Variants in SLC12A8 observed in about 807,000 individuals in gnomAD.
SLC12A8 encodes the protein solute carrier family 12 member 8, also known as cation-chloride cotransporter 9.
SLC12A8 carries 69 observed loss-of-function variants against 75.6 expected under a neutral mutation model. The ratio of observed to expected loss-of-function variants is 0.91; its 90% CI spans 0.75 to 1.11. The LOEUF (loss-of-function observed/expected upper bound fraction) is 1.11, where lower values mean the gene tolerates loss of function less well. Ranked by LOEUF, SLC12A8 falls within the 50% of genes most tolerant of loss-of-function variation. The probability of loss-of-function intolerance (pLI) is 0.00; values close to 1 mark genes in which losing one functional copy is unlikely to be tolerated. For missense variants in SLC12A8, 877 were observed against 896.7 expected (o/e 0.98, Z 0.28); for synonymous variants, 365 against 372.8 (o/e 0.98, Z 0.24).
At chr3:125,127,296 G>C (rs1176275588) in intron 6 of SLC12A8, among the ~76,000 whole-genome samples, 1 of 152,182 alleles carries the variant, frequency 6.6e-6, no homozygotes, top group Non-Finnish European at 1.5e-5. Flanking sequence ...CAATGTTTTA[G>C]AGATGCTGCT....
intron 2 of SLC12A8, among the ~76,000 whole-genome samples, chr3:125,197,491 G>T (rs1434171333): frequency 1.3e-5 from 2 of 152,020 alleles, no homozygotes; most frequent in Non-Finnish European, 2.9e-5. Flanking sequence ...AGAGTTTTGC[G>T]CTGTTGCCCA....
chr3:125,166,927 A>G (rs1030675445), intron 5 of SLC12A8, among the ~76,000 whole-genome samples: 3 of 152,094 alleles, frequency 2.0e-5, no homozygotes, highest in African/African-American at 7.2e-5. Flanking sequence ...ATAAAAACAC[A>G]TGGGGAGGAT....
intron 2 of SLC12A8, among the ~76,000 whole-genome samples, chr3:125,192,191 T>C (rs574989379): frequency 6.6e-6 from 1 of 152,138 alleles, no homozygotes; most frequent in South Asian, 2.1e-4. Context: ...AAAAGACTAA[T>C]ACTGTAGAGA....
At chr3:125,194,100 G>C (rs1178849119) in intron 2 of SLC12A8, among the ~76,000 whole-genome samples, 1 of 152,228 alleles carries the variant, frequency 6.6e-6, no homozygotes, top group African/African-American at 2.4e-5. Context: ...AGAAAAGCAA[G>C]GGGCAAATCA....
At chr3:125,098,215 T>C (rs1222045800) in intron 10 of SLC12A8, among the ~76,000 whole-genome samples, 1 of 152,236 alleles carries the variant, frequency 6.6e-6, no homozygotes, top group Non-Finnish European at 1.5e-5. Flanking sequence ...TAACGTATAT[T>C]GCCTTAGTCC....
At chr3:125,118,900 C>A in intron 7 of SLC12A8, 44 bp from the exon 8 acceptor site, 1 of 1,313,890 alleles carries the variant, frequency 7.6e-7, no homozygotes, top group South Asian at 1.2e-5. Flanking sequence ...CGACTCACCT[C>A]ACCCAGCCCC....
intron 8 of SLC12A8, among the ~76,000 whole-genome samples, chr3:125,112,320 T>C (rs945598237): frequency 2.6e-5 from 4 of 152,226 alleles, no homozygotes; most frequent in African/African-American, 7.2e-5. Context: ...GGGTTTGTCC[T>C]GCCCACCCCA....
At chr3:125,169,062 C>T (rs1054320120) in intron 5 of SLC12A8, among the ~76,000 whole-genome samples, 7 of 152,166 alleles carry the variant, frequency 4.6e-5, no homozygotes, top group Non-Finnish European at 7.3e-5. Context: ...GGCATGAGTT[C>T]ATTTCTAAAT....
At chr3:125,090,938 G>T (rs1022512041) in intron 12 of SLC12A8, among the ~76,000 whole-genome samples, 2 of 151,796 alleles carry the variant, frequency 1.3e-5, no homozygotes, top group Admixed American at 1.3e-4. Flanking sequence ...GATATGGCTG[G>T]GATTACATAT....
rs1178152779 is a variant in SLC12A8, at chr3:125,190,356, C to T, written c.198+19G>A. 37 of 1,613,144 alleles carry T rather than the reference C, an allele frequency of 2.3e-5. No individual in the cohort carries two copies. The highest frequency in any genetic ancestry group is 3.1e-5 in the Non-Finnish European group (36 of 1,179,506). On this transcript the variant is annotated intron_variant, in intron 3 of 13. Transcript: ENST00000469902. ...TCTTGGGCCCGTGAGAGGCTCCAGG[C>T]CACCAACTCAGCACTCACCACCAGC...
intron 5 of SLC12A8, among the ~76,000 whole-genome samples, chr3:125,138,323 C>G (rs1416304091): frequency 6.6e-6 from 1 of 152,152 alleles, no homozygotes; most frequent in African/African-American, 2.4e-5. Flanking sequence ...ATTGCTTGAA[C>G]CCAGGAGGCA....
At chr3:125,163,443 T>TA (rs58384902) in intron 5 of SLC12A8, among the ~76,000 whole-genome samples, 20,095 of 148,950 alleles carry the variant, frequency 0.13, 2,918 homozygotes, top group African/African-American at 0.37. Flanking sequence ...CCGTCTCTAC[T>TA]AAAAAAAAAT....
rs530109272 is a variant in SLC12A8 at position 125,091,533 on chromosome 3, C to T, written c.1827G>A (p.Met609Ile). The change falls in exon 12 of 14, where the codon ATG (methionine) becomes ATA (isoleucine). Residue 609 changes from methionine to isoleucine, a missense_variant. Physicochemically the swap from Met to Ile is conservative, Grantham distance 10 (BLOSUM62 1). Transcript: ENST00000469902. ...LLGAVGSLLI[M>I]FVIQWVYTLV... Reference sequence around the variant, plus strand: ...GGGTATACACCCACTGTATCACAAACATGATGAGAAGGGACCCAACAGCCT... The same window carrying T: ...GGGTATACACCCACTGTATCACAAATATGATGAGAAGGGACCCAACAGCCT... 8.1e-6 allele frequency: 13 copies of T among 1,613,822 alleles called. No individual in the cohort carries two copies. The African/African-American group carries it at 1.5e-4, about 18-fold the overall frequency.
chr3:125,096,258 T>C (rs1260879701), intron 10 of SLC12A8, among the ~76,000 whole-genome samples: 1 of 152,212 alleles, frequency 6.6e-6, no homozygotes, highest in Non-Finnish European at 1.5e-5. Flanking sequence ...TCTTTTCTAA[T>C]AAACCTACCT....
At chr3:125,102,378 G>A (rs535249326) in intron 10 of SLC12A8, among the ~76,000 whole-genome samples, 60 of 152,302 alleles carry the variant, frequency 3.9e-4, no homozygotes, top group Middle Eastern at 3.4e-3. Flanking sequence ...GGCCAGGAAC[G>A]TAGGTTAGGG....
At position 125,191,499 on chromosome 3, in the gene SLC12A8, G is replaced by GGA. The variant is rs201653206; in HGVS notation, c.52-980_52-979dup. Among the ~76,000 whole-genome samples the GGA allele has an allele frequency of 4.3e-4, 60 of 140,652 alleles. No homozygotes were observed. In the East Asian group the frequency reaches 0.014, roughly 33 times the overall value. 92.3% of individuals were successfully genotyped at this position (140,652 alleles called of 152,430 possible). A position where few individuals can be genotyped will look rare whatever the true frequency, so the allele number is the denominator to read the frequency against. On this transcript the variant is annotated intron_variant, in intron 2 of 13. Transcript: ENST00000469902. ...GTTCTCAGCTGGGTGGGGTGGGTGG[G>GGA]GAGAGAGAGGCATCCAAAGCTAGGA... is the stretch of plus-strand genomic sequence containing the variant.
At position 125,208,387 on chromosome 3, in the gene SLC12A8, A is replaced by G. The variant is rs1055913216; in HGVS notation, c.51+2912T>C. Among the ~76,000 whole-genome samples, 6 of 152,176 alleles carry G rather than the reference A, an allele frequency of 3.9e-5. No homozygotes were observed. The South Asian group carries it at 6.2e-4, about 16-fold the overall frequency. ...TGCTGAGTCATGCATTGATTTGCCA[A>G]TGGATCCTTCTGCTCATTTATACCA... On this transcript the variant is annotated intron_variant, in intron 2 of 13. Coordinates refer to ENST00000469902, the MANE Select transcript of SLC12A8 (RefSeq NM_024628.6).
In SLC12A8 at chr3:125,138,542, C is replaced by T. The variant is rs114214946; in HGVS notation, c.623-2760G>A. Among the ~76,000 whole-genome samples the T allele has an allele frequency of 4.1e-3, 572 of 137,862 alleles. 8 individuals carry two copies. The highest frequency in any genetic ancestry group is 0.015 in the African/African-American group (543 of 36,510). The allele number at this position is 137,862 out of a possible 152,430, so 90.4% of individuals were successfully genotyped here. A position where few individuals can be genotyped will look rare whatever the true frequency, so the allele number is the denominator to read the frequency against. On this transcript the variant is annotated intron_variant, in intron 5 of 13. Coordinates refer to ENST00000469902, the MANE Select transcript of SLC12A8 (RefSeq NM_024628.6). ...CTGTCCATGTTATATATACTATATG[C>T]TAATTCAGAAAACTGGATGCCATAG...
chr3:125,204,453 T>C (rs1366426433), intron 2 of SLC12A8, among the ~76,000 whole-genome samples: 1 of 152,212 alleles, frequency 6.6e-6, no homozygotes, highest in Non-Finnish European at 1.5e-5. Flanking sequence ...CTGGAGGTCA[T>C]TAGGTTAAGT....
Sources: gnomAD v4.1 joint callset for allele counts (sites outside exome capture counted in the v4.1 genomes callset) on GRCh38, gnomAD v4.1.1 for gene constraint, MANE v1.5 for transcripts, NCBI Gene and HGNC (gene_info 2026-07-23, HGNC 2026-07-21) for gene names.